Variants in LDLRAD4 observed in about 807,000 individuals in gnomAD.
The protein encoded by LDLRAD4 is low-density lipoprotein receptor class A domain-containing protein 4.
A neutral mutation model predicts 17.0 loss-of-function variants in LDLRAD4; 5 were observed. That is an observed-to-expected ratio of 0.29 (90% confidence interval 0.15 to 0.62). The LOEUF (loss-of-function observed/expected upper bound fraction) is 0.62. Among genes scored for constraint, LDLRAD4 ranks in the 20% least tolerant of loss-of-function variants. The pLI is 0.84. For synonymous variants in LDLRAD4, 168 were observed against 171.8 expected (o/e 0.98, Z 0.17); for missense variants, 340 against 424.7 (o/e 0.80, Z 1.75).
chr18:13,529,210 C>G (rs2094086897), intron 3 of LDLRAD4, among the ~76,000 whole-genome samples: 1 of 152,202 alleles, frequency 6.6e-6, no homozygotes, highest in Non-Finnish European at 1.5e-5. Flanking sequence ...AGTCCTGGGC[C>G]CCCAGTTGCC....
intron 4 of LDLRAD4, among the ~76,000 whole-genome samples, chr18:13,625,814 T>G (rs907630184): frequency 1.2e-5 from 1 of 83,882 alleles, no homozygotes; most frequent in East Asian, 4.0e-4. Flanking sequence ...GGCGCCCTCC[T>G]CCCCCCGCCA....
At chr18:13,444,749 G>A (rs1183110440) in intron 3 of LDLRAD4, among the ~76,000 whole-genome samples, 1 of 152,228 alleles carries the variant, frequency 6.6e-6, no homozygotes, top group Non-Finnish European at 1.5e-5. Flanking sequence ...GGCGCATGTA[G>A]CATATGGGGC....
chr18:13,534,996 G>A (rs1192618025), intron 3 of LDLRAD4, among the ~76,000 whole-genome samples: 1 of 152,162 alleles, frequency 6.6e-6, no homozygotes, highest in Non-Finnish European at 1.5e-5. Context: ...ATATAATGGT[G>A]TGTTTCCATG....
chr18:13,488,261 C>T (rs1412342610), intron 3 of LDLRAD4: 2 of 152,222 alleles, frequency 1.3e-5, no homozygotes, highest in African/African-American at 2.4e-5. Flanking sequence ...GTTACAGGGC[C>T]AGGGCAGGGC....
At chr18:13,496,710 T>C (rs2093477542) in intron 3 of LDLRAD4, among the ~76,000 whole-genome samples, 1 of 151,952 alleles carries the variant, frequency 6.6e-6, no homozygotes, top group South Asian at 2.1e-4. Context: ...ATACTCGAGG[T>C]TAATAAAGGG....
At chr18:13,531,040 C>G (rs1160766601) in intron 3 of LDLRAD4, among the ~76,000 whole-genome samples, 1 of 152,200 alleles carries the variant, frequency 6.6e-6, no homozygotes, top group Non-Finnish European at 1.5e-5. Flanking sequence ...CACTGTGCCA[C>G]CTGCAGGCTG....
chr18:13,641,297 G>C (rs2042528341), intron 4 of LDLRAD4, among the ~76,000 whole-genome samples: 1 of 152,162 alleles, frequency 6.6e-6, no homozygotes, highest in Non-Finnish European at 1.5e-5. Context: ...GGATGGATAG[G>C]TAAATAGAGA....
At chr18:13,370,719 T>TTTTGTTTGTTTGTTTG (rs1555663313) in intron 1 of LDLRAD4, among the ~76,000 whole-genome samples, 1 of 144,856 alleles carries the variant, frequency 6.9e-6, no homozygotes, top group African/African-American at 2.6e-5. Context: ...TTTTGTTTTT[T>TTTTGTTTGTTTGTTTG]TTTTTTTTTG....
At chr18:13,533,730 A>G (rs972934291) in intron 3 of LDLRAD4, among the ~76,000 whole-genome samples, 2 of 152,088 alleles carry the variant, frequency 1.3e-5, no homozygotes, top group Non-Finnish European at 2.9e-5. Context: ...GAGGGATGAG[A>G]TGGGTATTTT....
intron 1 of LDLRAD4, among the ~76,000 whole-genome samples, chr18:13,255,486 G>T (rs947816849): frequency 1.3e-5 from 2 of 152,240 alleles, no homozygotes; most frequent in African/African-American, 2.4e-5. Flanking sequence ...GGAGCAGGGG[G>T]TGCAGAGGGC....
intron 3 of LDLRAD4, among the ~76,000 whole-genome samples, chr18:13,609,850 C>T (rs1209439399): frequency 1.3e-5 from 2 of 152,104 alleles, no homozygotes; most frequent in Non-Finnish European, 2.9e-5. Flanking sequence ...GGCATGTTGG[C>T]GCACGCCTGT....
At chr18:13,476,227 A>G (rs2092935898) in intron 3 of LDLRAD4, among the ~76,000 whole-genome samples, 1 of 152,186 alleles carries the variant, frequency 6.6e-6, no homozygotes. Context: ...GTCCAGACGC[A>G]TGTTTAACTT....
intron 3 of LDLRAD4, among the ~76,000 whole-genome samples, chr18:13,578,912 C>T (rs992451856): frequency 2.3e-5 from 3 of 130,820 alleles, no homozygotes; most frequent in South Asian, 2.5e-4. Context: ...GCTATTTGGC[C>T]GGGCGCAGTG....
At chr18:13,630,671 T>C (rs919997688) in intron 4 of LDLRAD4, among the ~76,000 whole-genome samples, 1 of 152,132 alleles carries the variant, frequency 6.6e-6, no homozygotes, top group African/African-American at 2.4e-5. Flanking sequence ...GTCCTCAGTT[T>C]CCCCCCATCT....
intron 1 of LDLRAD4, among the ~76,000 whole-genome samples, chr18:13,285,521 A>G (rs1441646464): frequency 6.6e-6 from 1 of 152,078 alleles, no homozygotes; most frequent in South Asian, 2.1e-4. Flanking sequence ...AATTCATATA[A>G]TATTTTAAAG....
chr18:13,269,419 A>G (rs1316482882), intron 1 of LDLRAD4, among the ~76,000 whole-genome samples: 1 of 152,250 alleles, frequency 6.6e-6, no homozygotes, highest in Non-Finnish European at 1.5e-5. Context: ...ACACAGTGAC[A>G]ATCTTTACAA....
At chr18:13,579,211 T>A (rs2094822370) in intron 3 of LDLRAD4, among the ~76,000 whole-genome samples, 1 of 151,850 alleles carries the variant, frequency 6.6e-6, no homozygotes. Context: ...ATAAAAAAAA[T>A]ATAATGCTAT....
intron 4 of LDLRAD4, among the ~76,000 whole-genome samples, chr18:13,635,292 G>A (rs2041982343): frequency 1.3e-5 from 2 of 152,160 alleles, no homozygotes; most frequent in African/African-American, 4.8e-5. Context: ...TGTGGAAAGA[G>A]CTTGCTAGCC....
intron 4 of LDLRAD4, among the ~76,000 whole-genome samples, chr18:13,630,621 C>T (rs567184382): frequency 8.5e-5 from 13 of 152,266 alleles, no homozygotes; most frequent in East Asian, 3.9e-4. Context: ...CTTGCTTTAC[C>T]GCAGACTGAC....
Sources: gnomAD v4.1 joint callset for allele counts (sites outside exome capture counted in the v4.1 genomes callset) on GRCh38, gnomAD v4.1.1 for gene constraint, MANE v1.5 for transcripts, NCBI Gene and HGNC (gene_info 2026-07-23, HGNC 2026-07-21) for gene names.